Variants in CSMD1 observed in about 807,000 individuals in gnomAD.
The protein encoded by CSMD1 is CUB and Sushi multiple domains 1, also known as CUB and sushi domain-containing protein 1.
A neutral mutation model predicts 417.5 loss-of-function variants in CSMD1; 213 were observed. That is an observed-to-expected ratio of 0.51 (90% CI 0.46 to 0.57). CSMD1 has a LOEUF of 0.57. Ranked by LOEUF, CSMD1 falls within the 20% of genes least tolerant of loss-of-function variation. The pLI, the probability that CSMD1 is intolerant of heterozygous loss-of-function variation, is 0.00. For synonymous variants in CSMD1, 2,862 were observed against 1,736.8 expected (o/e 1.65, Z -16.11); for missense variants, 6,923 against 4,529.7 (o/e 1.53, Z -15.17).
rs1046583263 is a variant in CSMD1, at chr8:4,372,513, C to G, written c.415+47440G>C. Among the ~76,000 whole-genome samples the G allele has an allele frequency of 5.9e-5, 9 of 151,672 alleles. No individual in the cohort carries two copies. The South Asian group carries it at 1.7e-3, about 28-fold the overall frequency. Reference sequence around the variant, plus strand: ...CAACAACAAAAAACAGAAAAAAAGTCCTCTAATACCTCATCCAATAAAATG... The same window carrying G: ...CAACAACAAAAAACAGAAAAAAAGTGCTCTAATACCTCATCCAATAAAATG... On this transcript the variant is annotated intron_variant, in intron 3 of 69. Transcript: ENST00000635120.
At chr8:4,165,671 G>A (rs189581261) in intron 3 of CSMD1, among the ~76,000 whole-genome samples, 51 of 152,264 alleles carry the variant, frequency 3.3e-4, no homozygotes, top group African/African-American at 1.0e-3. Context: ...CCAAAGTGCC[G>A]GAATTACAGG....
intron 1 of CSMD1, among the ~76,000 whole-genome samples, chr8:4,755,124 G>A (rs921626376): frequency 6.6e-6 from 1 of 152,170 alleles, no homozygotes; most frequent in Non-Finnish European, 1.5e-5. Context: ...GTGACAGAGG[G>A]ACACTGTCTC....
At chr8:3,330,606 A>C (rs955710864) in intron 23 of CSMD1, among the ~76,000 whole-genome samples, 35 of 152,278 alleles carry the variant, frequency 2.3e-4, no homozygotes, top group African/African-American at 8.2e-4. Flanking sequence ...AGGGTGGAGG[A>C]TGAGAAGAGG....
chr8:3,282,307 A>G (rs571270571), intron 26 of CSMD1, among the ~76,000 whole-genome samples: 151 of 152,280 alleles, frequency 9.9e-4, no homozygotes, highest in African/African-American at 3.3e-3. Context: ...TGCTGTGGAC[A>G]GAGAGCACGT....
At chr8:4,522,413 T>G (rs1186263995) in intron 2 of CSMD1, among the ~76,000 whole-genome samples, 1 of 152,196 alleles carries the variant, frequency 6.6e-6, no homozygotes, top group Non-Finnish European at 1.5e-5. Context: ...TATAGTTATG[T>G]ATCAGAAAGT....
chr8:4,012,927 A>T (rs141771547), intron 4 of CSMD1, among the ~76,000 whole-genome samples: 1 of 152,018 alleles, frequency 6.6e-6, no homozygotes, highest in East Asian at 1.9e-4. Flanking sequence ...TTCTTTAAAC[A>T]GCATTCTGAG....
chr8:4,966,252 G>A (rs1303817971), intron 1 of CSMD1, among the ~76,000 whole-genome samples: 1 of 150,296 alleles, frequency 6.7e-6, no homozygotes, highest in African/African-American at 2.5e-5. Flanking sequence ...GGTGGCACAT[G>A]CCTGTAATCC....
chr8:4,989,775 G>A lies in CSMD1; in HGVS notation c.85+4557C>T, dbSNP rs561940408. Among the ~76,000 whole-genome samples the A allele has an allele frequency of 2.0e-5, 3 of 152,300 alleles. No individual in the cohort carries two copies. In the South Asian group the frequency reaches 6.2e-4, roughly 32 times the overall value. ...ATTTGCATTTTGACAGCTTAGAAAC[G>A]TCTTCACTGGGTTTGCTGTATCGTC... On this transcript the variant is annotated intron_variant, in intron 1 of 69. Transcript: ENST00000635120.
At position 4,029,637 on chromosome 8, in the gene CSMD1, A is replaced by C. The variant is rs527434121; in HGVS notation, c.610+2268T>G. The stretch of plus-strand genomic sequence containing the variant: ...GAGGTTTTGGTAGGGACACAGCCAA[A>C]CCATATCATTTCGCTCCTGGACCCA... On this transcript the variant is annotated intron_variant, in intron 4 of 69. Coordinates refer to ENST00000635120, the MANE Select transcript of CSMD1 (RefSeq NM_033225.6). Among the ~76,000 whole-genome samples the C allele has an allele frequency of 3.3e-5, 5 of 152,126 alleles. No homozygotes were observed. The South Asian group carries it at 1.0e-3, about 32-fold the overall frequency.
intron 23 of CSMD1, among the ~76,000 whole-genome samples, chr8:3,313,989 A>G (rs1805559581): frequency 6.6e-6 from 1 of 152,172 alleles, no homozygotes; most frequent in African/African-American, 2.4e-5. Context: ...ATGAAGCTGG[A>G]AACCATCATT....
At chr8:3,020,295 A>G (rs958080059) in intron 51 of CSMD1, among the ~76,000 whole-genome samples, 1 of 152,242 alleles carries the variant, frequency 6.6e-6, no homozygotes, top group Admixed American at 6.5e-5. Flanking sequence ...CAATTGAACC[A>G]AAAGTAGAAA....
chr8:3,791,177 AT>A (rs1484122472), intron 5 of CSMD1, among the ~76,000 whole-genome samples: 3 of 152,186 alleles, frequency 2.0e-5, no homozygotes, highest in African/African-American at 7.2e-5. Flanking sequence ...TTTTAGGAGC[AT>A]TTAGATGTGT....
chr8:3,483,983 A>G (rs765112250), intron 11 of CSMD1, among the ~76,000 whole-genome samples: 1 of 152,242 alleles, frequency 6.6e-6, no homozygotes, highest in Non-Finnish European at 1.5e-5. Flanking sequence ...TAAATATGTC[A>G]ATTTTCTCCA....
At chr8:3,439,296 T>TAA (rs1814798281) in intron 12 of CSMD1, among the ~76,000 whole-genome samples, 2 of 50,520 alleles carry the variant, frequency 4.0e-5, no homozygotes, top group East Asian at 6.9e-4. Context: ...TATATATATA[T>TAA]ATATATATAT....
chr8:3,306,432 C>G (rs1019944189), intron 25 of CSMD1, among the ~76,000 whole-genome samples: 5 of 152,130 alleles, frequency 3.3e-5, no homozygotes, highest in Admixed American at 1.3e-4. Flanking sequence ...CCTCGGCCTC[C>G]CAAAGTGTTA....
At chr8:4,201,901 G>T (rs1369519879) in intron 3 of CSMD1, among the ~76,000 whole-genome samples, 1 of 140,808 alleles carries the variant, frequency 7.1e-6, no homozygotes, top group African/African-American at 2.6e-5. Flanking sequence ...GGGGGGGGGC[G>T]CTGCATTCAT....
intron 5 of CSMD1, among the ~76,000 whole-genome samples, chr8:3,982,826 G>C (rs974365963): frequency 2.6e-5 from 4 of 152,314 alleles, no homozygotes; most frequent in South Asian, 4.1e-4. Flanking sequence ...GAGCACGATG[G>C]TCACTTTCAT....
intron 3 of CSMD1, among the ~76,000 whole-genome samples, chr8:4,312,718 G>A (rs774047074): frequency 3.3e-5 from 5 of 151,752 alleles, no homozygotes; most frequent in Admixed American, 6.6e-5. Flanking sequence ...TTCTACTAAC[G>A]AAAAAATGAG....
At chr8:4,214,129 G>C (rs753611073) in intron 3 of CSMD1, among the ~76,000 whole-genome samples, 3 of 152,036 alleles carry the variant, frequency 2.0e-5, no homozygotes, top group Non-Finnish European at 4.4e-5. Context: ...TGTTTGTTTT[G>C]TTTTGGCTTA....
Sources: gnomAD v4.1 joint callset for allele counts (sites outside exome capture counted in the v4.1 genomes callset) on GRCh38, gnomAD v4.1.1 for gene constraint, MANE v1.5 for transcripts, NCBI Gene and HGNC (gene_info 2026-07-23, HGNC 2026-07-21) for gene names.